The following ZNF18 variants were observed in gnomAD, a reference collection of about 807,000 sequenced individuals.
ZNF18 encodes the protein zinc finger protein 18, also known as heart development-specific gene 1 protein.
In ZNF18, 42 loss-of-function variants were observed where a neutral mutation model predicts 58.1. The ratio of observed to expected loss-of-function variants is 0.72; its 90% CI spans 0.56 to 0.93. ZNF18 has a LOEUF of 0.93. Ranked by LOEUF, ZNF18 falls within the 40% of genes least tolerant of loss-of-function variation. The probability of loss-of-function intolerance (pLI) is 0.00; values close to 1 mark genes in which losing one functional copy is unlikely to be tolerated. For synonymous variants in ZNF18, 231 were observed against 239.8 expected (o/e 0.96, Z 0.34); for missense variants, 540 against 644.2 (o/e 0.84, Z 1.75).
the ZNF18 span, among the ~76,000 whole-genome samples, chr17:12,014,626 T>C: frequency 6.6e-6 from 1 of 152,212 alleles, no homozygotes; most frequent in South Asian, 2.1e-4. Flanking sequence ...TTGTAGTTGC[T>C]GAAAGCTAGG....
intron 2 of ZNF18, 54 bp from the exon 3 acceptor site, chr17:11,991,217 T>G: frequency 2.0e-6 from 3 of 1,479,712 alleles, no homozygotes; most frequent in Non-Finnish European, 1.9e-6. Context: ...TAAGGATCTC[T>G]AAAAGACACA....
At chr17:11,988,807 T>C (rs926978761) in intron 4 of ZNF18, among the ~76,000 whole-genome samples, 7 of 150,920 alleles carry the variant, frequency 4.6e-5, no homozygotes, top group African/African-American at 1.7e-4. Context: ...ACCAATGTGA[T>C]ACCCAATCAA....
chr17:12,005,093 T>C, the ZNF18 span, among the ~76,000 whole-genome samples: 1 of 150,522 alleles, frequency 6.6e-6, no homozygotes, highest in South Asian at 2.1e-4. Flanking sequence ...TATATAAATA[T>C]ATATGCATGT....
chr17:11,989,421 C>A (rs1249922213), intron 4 of ZNF18, among the ~76,000 whole-genome samples: 9 of 152,064 alleles, frequency 5.9e-5, no homozygotes, highest in African/African-American at 2.2e-4. Flanking sequence ...TGACCCAGAA[C>A]CAATGCAGGT....
At position 11,977,728 on chromosome 17, in the gene ZNF18, A is replaced by C. The variant is rs1967081403; in HGVS notation, c.*229T>G. On this transcript the variant is annotated 3_prime_UTR_variant, in exon 7 of 7. Coordinates refer to ENST00000580306, the MANE Select transcript of ZNF18 (RefSeq NM_001303281.2). ...GTCCAAAGGAAGGATGAGTGGAAAC[A>C]TGAAGACTATTCTTTCTCCTGAGGC... 4.1e-6 allele frequency: 2 copies of C among 493,090 alleles called. No individual in the cohort carries two copies. The highest frequency in any genetic ancestry group is 6.9e-6 in the Non-Finnish European group (2 of 288,670). The allele number at this position is 493,090 out of a possible 1,614,324, so 30.5% of individuals were successfully genotyped here. A position where few individuals can be genotyped will look rare whatever the true frequency, so the allele number is the denominator to read the frequency against.
chr17:11,978,008 C>T lies in ZNF18; in HGVS notation c.1599G>A (p.Ser533=), dbSNP rs746029116. 3.1e-6 allele frequency: 5 copies of T among 1,601,706 alleles called. No individual in the cohort carries two copies. In the South Asian group the frequency reaches 4.5e-5, roughly 14 times the overall value. ...SHCGKSFSWS[S]SLDKHQRSHL... ...GGGATCTTTGATGTTTGTCAAGGCTCGAGCTCCAGCTGAAACTTTTCCCAC... is the reference window on the plus strand; with the variant it reads ...GGGATCTTTGATGTTTGTCAAGGCTTGAGCTCCAGCTGAAACTTTTCCCAC... The change falls in exon 7 of 7, where the codon TCG becomes TCA. Residue 533 remains serine (S), a synonymous_variant. Coordinates refer to ENST00000580306, the MANE Select transcript of ZNF18 (RefSeq NM_001303281.2).
At position 11,990,446 on chromosome 17, in the gene ZNF18, T is replaced by C; in HGVS notation, c.666+16A>G. 6.2e-7 allele frequency: 1 copy of C among 1,608,028 alleles called. No homozygotes were observed. Among genetic ancestry groups the C allele is most frequent in the South Asian group, 1.1e-5 (1 of 89,712 alleles). On this transcript the variant is annotated intron_variant, in intron 4 of 6. Transcript: ENST00000580306. ...GTAAAAAGTTTCCTTTTCATCGCTT[T>C]TGTACGTCAGCTCACCTGAGGTGCT... is the stretch of plus-strand genomic sequence containing the variant.
chr17:11,994,850 A>G (rs561407726), intron 1 of ZNF18, among the ~76,000 whole-genome samples: 3 of 152,264 alleles, frequency 2.0e-5, no homozygotes, highest in East Asian at 3.9e-4. Flanking sequence ...CAAAAAAAAA[A>G]GAAAAAGAAA....
the ZNF18 span, chr17:12,010,936 A>G: frequency 1.6e-6 from 1 of 628,584 alleles, no homozygotes; most frequent in Non-Finnish European, 2.9e-6. Flanking sequence ...TCACGTGCTT[A>G]ACATGCCCAA....
chr17:12,002,957 C>A, the ZNF18 span, among the ~76,000 whole-genome samples: 8 of 152,164 alleles, frequency 5.3e-5, no homozygotes, highest in Non-Finnish European at 8.8e-5. Flanking sequence ...CGACACCCTC[C>A]CTCTGCCATC....
rs147838158 is a variant in ZNF18 at position 11,981,897 on chromosome 17, G to A, written c.862+1400C>T. On this transcript the variant is annotated intron_variant, in intron 6 of 6. Coordinates refer to ENST00000580306, the MANE Select transcript of ZNF18 (RefSeq NM_001303281.2). ...AAACTGTGATCCCCCAAATTCATAC[G>A]TTGAAACCCTAGCCCCCAGTATGAT... 3.4e-4 allele frequency among the ~76,000 whole-genome samples: 51 copies of A among 152,158 alleles called. 1 individual carries two copies. In the East Asian group the frequency reaches 7.3e-3, roughly 22 times the overall value.
intron 6 of ZNF18, among the ~76,000 whole-genome samples, chr17:11,982,826 C>T (rs76556108): frequency 0.011 from 1,661 of 152,130 alleles, 33 homozygotes; most frequent in African/African-American, 0.038. Flanking sequence ...ATTATTTATA[C>T]GAAGTATTTG....
the ZNF18 span, among the ~76,000 whole-genome samples, chr17:12,020,054 C>G: frequency 6.6e-6 from 1 of 152,060 alleles, no homozygotes; most frequent in Non-Finnish European, 1.5e-5. Context: ...TGGAAGAAAC[C>G]TCATATTGTT....
the ZNF18 span, among the ~76,000 whole-genome samples, chr17:12,012,889 A>T: frequency 6.6e-6 from 1 of 151,132 alleles, no homozygotes; most frequent in Admixed American, 6.6e-5. Context: ...TCTGTGATCC[A>T]CTTGTTAATT....
At chr17:12,007,755 C>G in the ZNF18 span, among the ~76,000 whole-genome samples, 3 of 152,166 alleles carry the variant, frequency 2.0e-5, no homozygotes, top group Admixed American at 2.0e-4. Flanking sequence ...CTTTCTCCTT[C>G]TAACAGAAGC....
At position 11,996,150 on chromosome 17, in the gene ZNF18, AAT is replaced by A. The variant is rs537980310; in HGVS notation, c.-83+1279_-83+1280del. On this transcript the variant is annotated intron_variant, in intron 1 of 6. Coordinates refer to ENST00000580306, the MANE Select transcript of ZNF18 (RefSeq NM_001303281.2). ...AGAAAAAAATCACAAAGGAAATTAA[AAT>A]ATGTTTTCATACTGAGTGACAATGA... Among the ~76,000 whole-genome samples the A allele has an allele frequency of 4.0e-4, 61 of 152,344 alleles. 1 individual carries two copies. The highest frequency in any genetic ancestry group is 1.3e-3 in the African/African-American group (54 of 41,582).
At chr17:11,981,315 C>A (rs1339649059) in intron 6 of ZNF18, among the ~76,000 whole-genome samples, 1 of 148,376 alleles carries the variant, frequency 6.7e-6, no homozygotes, top group Non-Finnish European at 1.5e-5. Context: ...TTCCACATAT[C>A]CTCTTTTTTT....
Position 11,977,737 on chromosome 17 carries a change from A to G in ZNF18, c.*220T>C, listed in dbSNP as rs1355439706. 5.8e-6 allele frequency: 3 copies of G among 516,168 alleles called. No individual in the cohort carries two copies. The highest frequency in any genetic ancestry group is 3.9e-5 in the South Asian group (1 of 25,764). The allele number at this position is 516,168 out of a possible 1,614,324, so 32.0% of individuals were successfully genotyped here. ...AAGGATGAGTGGAAACATGAAGACT[A>G]TTCTTTCTCCTGAGGCAGAATCAAG... is the stretch of plus-strand genomic sequence containing the variant. On this transcript the variant is annotated 3_prime_UTR_variant, in exon 7 of 7. Transcript: ENST00000580306.
At chr17:12,020,870 G>A in the ZNF18 span, 1 of 1,166,686 alleles carries the variant, frequency 8.6e-7, no homozygotes. Context: ...GCGCCGCTCG[G>A]CTCTTCACTC....
Sources: allele counts gnomAD v4.1 joint callset (sites outside exome capture counted in the v4.1 genomes callset), GRCh38; gene constraint gnomAD v4.1.1; transcripts MANE v1.5; gene names NCBI Gene and HGNC (gene_info 2026-07-23, HGNC 2026-07-21).